Variants in AGT observed in about 807,000 individuals in gnomAD.
AGT encodes the protein alpha-1 antiproteinase, antitrypsin.
Under a neutral mutation model 28.1 loss-of-function variants are expected in AGT, and 26 were observed. That is an observed-to-expected ratio of 0.92 (90% CI 0.68 to 1.28). The LOEUF (loss-of-function observed/expected upper bound fraction) is 1.28, where lower values mean the gene tolerates loss of function less well. Among genes scored for constraint, AGT ranks in the 50% most tolerant of loss-of-function variants. The pLI is 0.00. For missense variants in AGT, 596 were observed against 592.3 expected, an observed-to-expected ratio of 1.01 and a Z score of -0.06; for synonymous variants, 259 against 259.6, an observed-to-expected ratio of 1.00 and a Z score of 0.02.
rs1308671993 is a variant in AGT, at chr1:230,737,532, G to A, written c.-31+7983C>T. ...TTACCATGTTGGCCAGGCTGGTCTT[G>A]AACTCCTGACCTGAGGTGATCCACC... On this transcript the variant is annotated intron_variant, in intron 1 of 4. Coordinates refer to the AGT transcript ENST00000681269. 2.0e-5 allele frequency among the ~76,000 whole-genome samples: 3 copies of A among 152,008 alleles called. No homozygotes were observed. The East Asian group carries it at 5.8e-4, about 29-fold the overall frequency.
Position 230,703,238 on chromosome 1 carries a change from A to C in AGT, c.1334T>G (p.Val445Gly). 6.2e-7 allele frequency: 1 copy of C among 1,614,052 alleles called. No individual in the cohort carries two copies. The highest frequency in any genetic ancestry group is 2.2e-5 in the East Asian group (1 of 44,848). ...AAACAGGAATGGGCGGTTCAGGGTC[A>C]CCTCCAAGACCTCAGGCTTGTTAAG... is the stretch of plus-strand genomic sequence containing the variant. ...QQLNKPEVLE[V>G]TLNRPFLFAV... Residue 445 changes from valine (V) to glycine (G), a missense_variant, in exon 5 of 5, where the codon GTG (valine) becomes GGG (glycine). By Grantham distance (109) the Val-to-Gly change is moderately radical. Transcript: ENST00000366667.
intron 2 of AGT, among the ~76,000 whole-genome samples, 159 bp downstream of exon 2, chr1:230,709,836 G>A (rs955034876): frequency 6.6e-6 from 1 of 152,224 alleles, no homozygotes; most frequent in Non-Finnish European, 1.5e-5. Context: ...GCCCATCCAG[G>A]GACCCAGCGG....
intron 2 of AGT, among the ~76,000 whole-genome samples, chr1:230,709,039 G>A (rs1441102928): frequency 3.3e-5 from 5 of 152,182 alleles, no homozygotes; most frequent in African/African-American, 1.2e-4. Context: ...CTCACTGCCA[G>A]GCAAGGCCTG....
intron 1 of AGT, among the ~76,000 whole-genome samples, chr1:230,720,988 C>A (rs1663832942): frequency 6.6e-6 from 1 of 152,216 alleles, no homozygotes; most frequent in South Asian, 2.1e-4. Context: ...AGACCTGGCC[C>A]AGGGGGGCCG....
At chr1:230,729,373 G>A (rs891967428) in intron 1 of AGT, among the ~76,000 whole-genome samples, 9 of 152,232 alleles carry the variant, frequency 5.9e-5, no homozygotes, top group Admixed American at 3.3e-4. Context: ...TGGGGGAAGA[G>A]GTTTCCCTCC....
Position 230,706,049 on chromosome 1 carries a change from G to T in AGT, c.981C>A (p.Phe327Leu). 3 of 1,614,204 alleles carry T rather than the reference G, an allele frequency of 1.9e-6. No homozygotes were observed. In the East Asian group the frequency reaches 6.7e-5, roughly 36 times the overall value. Residue 327 changes from phenylalanine to leucine, a missense_variant, in exon 3 of 5, where the codon TTC (phenylalanine) becomes TTA (leucine). Phe to Leu is a conservative substitution (Grantham distance 22). Coordinates refer to ENST00000366667, the MANE Select transcript of AGT (RefSeq NM_001384479.1). ...QDNFSVTQVPFTESACLLLIQ... is the reference protein window; with the variant it reads ...QDNFSVTQVPLTESACLLLIQ... Reference sequence around the variant, plus strand: ...TCAGCAGCAGGCAGGCGCTCTCAGTGAAGGGCACTTGAGTCACCGAGAAGT... The same window carrying T: ...TCAGCAGCAGGCAGGCGCTCTCAGTTAAGGGCACTTGAGTCACCGAGAAGT...
chr1:230,704,087 C>A (rs764950584), intron 4 of AGT, 106 bp downstream of exon 4: 40 of 1,563,188 alleles, frequency 2.6e-5, no homozygotes, highest in Non-Finnish European at 3.3e-5. Context: ...CTCCCTCTTG[C>A]CCTGCTGGCC....
At chr1:230,728,111 T>C (rs1283489158) in intron 1 of AGT, among the ~76,000 whole-genome samples, 1 of 152,178 alleles carries the variant, frequency 6.6e-6, no homozygotes, top group African/African-American at 2.4e-5. Context: ...AGCCTGCTTC[T>C]AGGTCAGGGA....
intron 3 of AGT, 105 bp downstream of exon 3, chr1:230,705,828 T>C (rs933166266): frequency 9.4e-6 from 14 of 1,481,770 alleles, no homozygotes; most frequent in Admixed American, 8.4e-5. Context: ...CCTGCCCTGC[T>C]CTGCACCCAA....
intron 3 of AGT, among the ~76,000 whole-genome samples, chr1:230,705,321 T>C (rs1663351362): frequency 6.6e-6 from 1 of 152,250 alleles, no homozygotes. Flanking sequence ...CAAGCCATCG[T>C]GTCACTCAAT....
At chr1:230,706,713 G>A (rs903907393) in intron 2 of AGT, among the ~76,000 whole-genome samples, 5 of 152,114 alleles carry the variant, frequency 3.3e-5, no homozygotes, top group South Asian at 2.1e-4. Context: ...TCACACCAGC[G>A]TGGCCCATTT....
Position 230,703,080 on chromosome 1 carries a change from C to A in AGT, c.*61G>T. On this transcript the variant is annotated 3_prime_UTR_variant, in exon 5 of 5. Coordinates refer to ENST00000366667, the MANE Select transcript of AGT (RefSeq NM_001384479.1). ...GTCCGGGGTTGTTATCTGCTGCTGGCCTTTGCCTCAAAGGCCAGGGGCAGA... is the reference window on the plus strand; with the variant it reads ...GTCCGGGGTTGTTATCTGCTGCTGGACTTTGCCTCAAAGGCCAGGGGCAGA... 1 of 1,575,182 alleles carries A rather than the reference C, an allele frequency of 6.3e-7. No homozygotes were observed. The highest frequency in any genetic ancestry group is 8.7e-7 in the Non-Finnish European group (1 of 1,148,708).
chr1:230,719,597 C>T (rs527342012), intron 1 of AGT, among the ~76,000 whole-genome samples: 7 of 151,872 alleles, frequency 4.6e-5, no homozygotes, highest in Admixed American at 3.9e-4. Context: ...TTAGTAGAGA[C>T]GGGGTTTCAC....
chr1:230,705,816 G>T, intron 3 of AGT, 117 bp downstream of exon 3: 3 of 1,392,420 alleles, frequency 2.2e-6, no homozygotes, highest in South Asian at 2.4e-5. Context: ...TGCCACCGCG[G>T]CCCTGCCCTG....
At position 230,739,496 on chromosome 1, in the gene AGT, C is replaced by A. The variant is rs564021791; in HGVS notation, c.-31+6019G>T. 4.6e-5 allele frequency among the ~76,000 whole-genome samples: 7 copies of A among 152,142 alleles called. No individual in the cohort carries two copies. In the South Asian group the frequency reaches 1.5e-3, roughly 32 times the overall value. On this transcript the variant is annotated intron_variant, in intron 1 of 4. Coordinates refer to the AGT transcript ENST00000681269. ...GAGCTGAGAGCCCAAAGCTGGGGAC[C>A]ACTGAGAAGAGCAAATGAGTTTCTG... is the stretch of plus-strand genomic sequence containing the variant.
chr1:230,719,557 G>A (rs1307156892), upstream of AGT, among the ~76,000 whole-genome samples: 1 of 151,904 alleles, frequency 6.6e-6, no homozygotes, highest in African/African-American at 2.4e-5. Context: ...ACAGGTGCCC[G>A]CCACCATGCC....
At chr1:230,705,890 C>T (rs772512439) in intron 3 of AGT, 43 bp downstream of exon 3, 2 of 1,610,648 alleles carry the variant, frequency 1.2e-6, no homozygotes, top group African/African-American at 2.7e-5. Context: ...CTGGGCAGGA[C>T]AGTGTGGCTC....
At chr1:230,712,240 T>G (rs1004173875) in intron 1 of AGT, among the ~76,000 whole-genome samples, 2 of 152,210 alleles carry the variant, frequency 1.3e-5, no homozygotes, top group African/African-American at 4.8e-5. Flanking sequence ...TTCTGCTTCA[T>G]CTAAGCATAC....
At chr1:230,710,876 G>A (rs754446495) in intron 1 of AGT, 23 bp from the exon 2 acceptor site, 1 of 1,607,260 alleles carries the variant, frequency 6.2e-7, no homozygotes, top group African/African-American at 1.3e-5. Flanking sequence ...TTTGCAAAGG[G>A]TGAAAGGTGG....
Sources: allele counts gnomAD v4.1 joint callset (sites outside exome capture counted in the v4.1 genomes callset), GRCh38; gene constraint gnomAD v4.1.1; transcripts MANE v1.5; gene names NCBI Gene and HGNC (gene_info 2026-07-23, HGNC 2026-07-21).